Variants in EYS observed in about 807,000 individuals in gnomAD.
EYS encodes EGF-like photoreceptor maintenance factor.
In EYS, 250 loss-of-function variants were observed where a neutral mutation model predicts 282.1. The observed-to-expected ratio is 0.89, with a 90% CI of 0.80 to 0.98. EYS has a LOEUF of 0.98. EYS is among the 50% of genes least tolerant of loss of function. EYS has a pLI of 0.00. For missense variants in EYS, 4,016 were observed against 3,709.0 expected, an observed-to-expected ratio of 1.08 and a Z score of -2.15; for synonymous variants, 1,355 against 1,282.9, an observed-to-expected ratio of 1.06 and a Z score of -1.20.
intron 35 of EYS, among the ~76,000 whole-genome samples, chr6:63,934,161 A>T (rs1381307049): frequency 6.6e-6 from 1 of 152,242 alleles, no homozygotes; most frequent in Non-Finnish European, 1.5e-5. Context: ...GCTCATCATC[A>T]CTGGCCATCA....
chr6:64,883,384 GTTA>G (rs1395184414), intron 19 of EYS, among the ~76,000 whole-genome samples: 1 of 151,180 alleles, frequency 6.6e-6, no homozygotes, highest in Non-Finnish European at 1.5e-5. Context: ...TATTATCAAA[GTTA>G]TTATTTCTGA....
intron 28 of EYS, among the ~76,000 whole-genome samples, chr6:64,412,439 C>T (rs942664582): frequency 6.6e-6 from 1 of 152,026 alleles, no homozygotes; most frequent in African/African-American, 2.4e-5. Flanking sequence ...TTATCTAATG[C>T]TGTGTCTACC....
intron 35 of EYS, among the ~76,000 whole-genome samples, chr6:63,931,471 C>G (rs970777091): frequency 3.9e-5 from 6 of 152,174 alleles, no homozygotes; most frequent in Non-Finnish European, 7.3e-5. Flanking sequence ...TCATTCTGCT[C>G]CCTTCTGACT....
intron 5 of EYS, among the ~76,000 whole-genome samples, chr6:65,428,118 C>A (rs991680070): frequency 6.6e-6 from 1 of 151,962 alleles, no homozygotes; most frequent in Non-Finnish European, 1.5e-5. Context: ...ACAATGGCCT[C>A]TTTTATACAG....
intron 22 of EYS, among the ~76,000 whole-genome samples, chr6:64,692,977 CTTTTTTT>C (rs67700846): frequency 6.1e-4 from 7 of 11,496 alleles, no homozygotes; most frequent in Admixed American, 1.9e-3. Context: ...GCTGCTTGGG[CTTTTTTT>C]TTTTTTTTTT....
intron 19 of EYS, among the ~76,000 whole-genome samples, chr6:64,843,015 C>CA (rs1034294555): frequency 1.3e-5 from 2 of 152,074 alleles, no homozygotes; most frequent in African/African-American, 4.8e-5. Flanking sequence ...GTCTCATGGC[C>CA]ACCCCTCTCA....
At chr6:63,816,810 A>G (rs904507561) in intron 36 of EYS, among the ~76,000 whole-genome samples, 9 of 152,354 alleles carry the variant, frequency 5.9e-5, no homozygotes, top group African/African-American at 1.7e-4. Context: ...GTAATACCCA[A>G]TAAATGTTTC....
chr6:64,919,240 C>T (rs1452700306), intron 15 of EYS, among the ~76,000 whole-genome samples: 2 of 151,948 alleles, frequency 1.3e-5, no homozygotes, highest in East Asian at 1.9e-4. Flanking sequence ...GGCGCGTTCT[C>T]GGCTCACTGC....
intron 12 of EYS, among the ~76,000 whole-genome samples, chr6:65,264,121 T>C (rs1436667061): frequency 6.6e-6 from 1 of 152,102 alleles, no homozygotes; most frequent in East Asian, 1.9e-4. Flanking sequence ...AAAAAATTAA[T>C]CAACCTGCAT....
At chr6:64,411,864 T>C (rs78748215) in intron 28 of EYS, among the ~76,000 whole-genome samples, 2 of 151,710 alleles carry the variant, frequency 1.3e-5, no homozygotes, top group African/African-American at 4.8e-5. Context: ...ATATGTATAT[T>C]TGTATATATG....
intron 8 of EYS, among the ~76,000 whole-genome samples, chr6:65,356,816 T>C (rs138078872): frequency 1.7e-4 from 26 of 152,056 alleles, no homozygotes; most frequent in Non-Finnish European, 3.4e-4. Context: ...TTAAGCCATA[T>C]GTAGAGGCTA....
intron 14 of EYS, among the ~76,000 whole-genome samples, chr6:64,975,329 T>C (rs983363855): frequency 2.0e-5 from 3 of 151,816 alleles, no homozygotes; most frequent in Non-Finnish European, 4.4e-5. Context: ...ATATAAATAA[T>C]GTAAAATTCA....
intron 35 of EYS, among the ~76,000 whole-genome samples, chr6:63,976,002 T>C (rs1169471637): frequency 6.6e-6 from 1 of 152,032 alleles, no homozygotes; most frequent in East Asian, 1.9e-4. Flanking sequence ...CTGTACAGCA[T>C]GTAGTACCAA....
At chr6:64,803,405 GA>G (rs1480904212) in intron 22 of EYS, among the ~76,000 whole-genome samples, 2 of 152,008 alleles carry the variant, frequency 1.3e-5, no homozygotes, top group South Asian at 2.1e-4. Flanking sequence ...ATGGGCTTTA[GA>G]AGGGAGGAAG....
chr6:64,300,732 TC>T, intron 30 of EYS, among the ~76,000 whole-genome samples: 1 of 152,332 alleles, frequency 6.6e-6, no homozygotes, highest in South Asian at 2.1e-4. Flanking sequence ...AACAGGGCCT[TC>T]CCTCCACCGC....
chr6:64,370,767 G>A (rs1174429029), intron 29 of EYS, among the ~76,000 whole-genome samples: 1 of 151,954 alleles, frequency 6.6e-6, no homozygotes, highest in Admixed American at 6.6e-5. Context: ...ATGTTTCCAG[G>A]AATTTTTCCA....
chr6:64,874,987 T>C, intron 19 of EYS, among the ~76,000 whole-genome samples: 1 of 152,042 alleles, frequency 6.6e-6, no homozygotes, highest in Non-Finnish European at 1.5e-5. Flanking sequence ...CAAATGCAAC[T>C]GAAATCAGAG....
intron 26 of EYS, among the ~76,000 whole-genome samples, chr6:64,446,687 T>A (rs1775128163): frequency 6.6e-6 from 1 of 152,062 alleles, no homozygotes; most frequent in African/African-American, 2.4e-5. Context: ...TATGAGAGAA[T>A]AATTGAATAC....
At chr6:65,133,072 A>C (rs547613525) in intron 12 of EYS, among the ~76,000 whole-genome samples, 1 of 152,194 alleles carries the variant, frequency 6.6e-6, no homozygotes, top group African/African-American at 2.4e-5. Flanking sequence ...GATGAAACAA[A>C]TGGGAAAACA....
Sources: allele counts gnomAD v4.1 joint callset (sites outside exome capture counted in the v4.1 genomes callset), GRCh38; gene constraint gnomAD v4.1.1; transcripts MANE v1.5; gene names NCBI Gene and HGNC (gene_info 2026-07-23, HGNC 2026-07-21).